Variants in LAYN observed in about 807,000 individuals in gnomAD.
LAYN encodes the protein layilin.
LAYN carries 38 observed loss-of-function variants against 43.6 expected under a neutral mutation model. That is an observed-to-expected ratio of 0.87 (90% CI 0.67 to 1.14). LAYN has a LOEUF of 1.14. LAYN is among the 50% of genes most tolerant of loss of function. The probability of loss-of-function intolerance (pLI) is 0.00; values close to 1 mark genes in which losing one functional copy is unlikely to be tolerated. For synonymous variants in LAYN, 168 were observed against 172.9 expected, an observed-to-expected ratio of 0.97 and a Z score of 0.22; for missense variants, 479 against 463.8, an observed-to-expected ratio of 1.03 and a Z score of -0.30.
intron 3 of LAYN, chr11:111,551,544 C>G (rs987649086): frequency 7.4e-6 from 3 of 406,006 alleles, no homozygotes; most frequent in African/African-American, 6.2e-5. Context: ...CACAACCAGA[C>G]CCTTGCCGAC....
Position 111,543,955 on chromosome 11 carries a change from C to A in LAYN, c.118C>A (p.Pro40Thr). The A allele has an allele frequency of 6.2e-7, 1 of 1,613,732 alleles. No individual in the cohort carries two copies. The highest frequency in any genetic ancestry group is 8.5e-7 in the Non-Finnish European group (1 of 1,179,926). ...QPVCRGGTQRPCYKVIYFHDT... is the reference protein window; with the variant it reads ...QPVCRGGTQRTCYKVIYFHDT... ...AGTCTGCCGGGGAGGGACACAGAGG[C>A]CTTGTTATAAAGTCATTTACTTCCA... The change falls in exon 2 of 7, where the codon CCT (proline) becomes ACT (threonine). Residue 40 changes from proline to threonine, a missense_variant. Pro to Thr is a conservative substitution (Grantham distance 38). Transcript: ENST00000375614.
chr11:111,554,461 G>A (rs1041292599), intron 3 of LAYN, 100 bp from the exon 4 acceptor site: 3 of 895,056 alleles, frequency 3.4e-6, no homozygotes, highest in Non-Finnish European at 5.4e-6. Context: ...TCGGAGGAAT[G>A]AATCAGCAAA....
chr11:111,542,758 C>T (rs1178833081), intron 1 of LAYN, among the ~76,000 whole-genome samples: 8 of 152,224 alleles, frequency 5.3e-5, no homozygotes, highest in African/African-American at 1.9e-4. Context: ...TCACTTTGAA[C>T]ATTTGAATCC....
At position 111,544,058 on chromosome 11, in the gene LAYN, A is replaced by AC. The variant is rs1426527234; in HGVS notation, c.221_222insC (p.Glu74AspfsTer3). On this transcript the variant is annotated frameshift_variant, in exon 2 of 7. Transcript: ENST00000375614. LOFTEE classifies it high-confidence loss of function. ...GATGGAGGCCAGCTAGTCAGCATCG[A>AC]GTCTGAAGATGAACAGAAACTGATA... 8 of 1,614,206 alleles carry AC rather than the reference A, an allele frequency of 5.0e-6. No individual in the cohort carries two copies. The African/African-American group carries it at 9.3e-5, about 19-fold the overall frequency.
intron 5 of LAYN, 73 bp from the exon 6 acceptor site, chr11:111,557,468 A>C: frequency 1.7e-6 from 2 of 1,179,940 alleles, no homozygotes; most frequent in Admixed American, 1.9e-5. Context: ...TGCTTTTTTT[A>C]AGCCTGGTTT....
At chr11:111,543,891 C>G (rs1170929631) in intron 1 of LAYN, 32 bp from the exon 2 acceptor site, 1 of 1,575,378 alleles carries the variant, frequency 6.3e-7, no homozygotes, top group Non-Finnish European at 8.6e-7. Flanking sequence ...CTTTTTGAGA[C>G]ACTGAAATAG....
At chr11:111,543,873 C>A in intron 1 of LAYN, 50 bp from the exon 2 acceptor site, 1 of 1,542,416 alleles carries the variant, frequency 6.5e-7, no homozygotes, top group South Asian at 1.3e-5. Flanking sequence ...TATCCCTGCC[C>A]CGGTATACTT....
At chr11:111,541,645 C>T (rs1867541835) in intron 1 of LAYN, 28 of 1,470,236 alleles carry the variant, frequency 1.9e-5, no homozygotes, top group Non-Finnish European at 2.6e-5. Context: ...GGAGAACATC[C>T]GTGCCCTTTT....
intron 3 of LAYN, among the ~76,000 whole-genome samples, chr11:111,552,680 G>A (rs1438858835): frequency 6.6e-5 from 10 of 152,206 alleles, no homozygotes; most frequent in Non-Finnish European, 1.3e-4. Flanking sequence ...ACTTTGCACC[G>A]TGGATTGAAG....
Position 111,560,320 on chromosome 11 carries a change from C to G in LAYN, c.987C>G (p.Asn329Lys). ...GTGACTATGACAACATGGCTGTGAACCCATCAGAAAGTGGGTTTGTGACTC... is the reference window on the plus strand; with the variant it reads ...GTGACTATGACAACATGGCTGTGAAGCCATCAGAAAGTGGGTTTGTGACTC... ...MSCDYDNMAV[N>K]PSESGFVTLV... is the part of the protein sequence containing the mutation. The change falls in exon 7 of 7, where the codon AAC (asparagine) becomes AAG (lysine). Residue 329 changes from asparagine (N) to lysine (K), a missense_variant. Coordinates refer to ENST00000375614, the MANE Select transcript of LAYN (RefSeq NM_178834.5). The G allele has an allele frequency of 6.2e-7, 1 of 1,614,098 alleles. No homozygotes were observed.
At position 111,548,103 on chromosome 11, in the gene LAYN, C is replaced by T. The variant is rs553936109; in HGVS notation, c.384-1515C>T. ...CAGACCTCTACTTAATACCTGTCCC[C>T]AGTATGCTCCCATTCTAATGGGTAG... On this transcript the variant is annotated intron_variant, in intron 2 of 6. Coordinates refer to ENST00000375614, the MANE Select transcript of LAYN (RefSeq NM_178834.5). 2.6e-5 allele frequency among the ~76,000 whole-genome samples: 4 copies of T among 152,338 alleles called. No individual in the cohort carries two copies. In the East Asian group the frequency reaches 7.7e-4, roughly 29 times the overall value.
chr11:111,559,119 C>T (rs1160453039), intron 6 of LAYN, among the ~76,000 whole-genome samples: 1 of 152,076 alleles, frequency 6.6e-6, no homozygotes, highest in African/African-American at 2.4e-5. Flanking sequence ...AAATAAAATA[C>T]ATTGGGTTGC....
chr11:111,557,498 CA>C, intron 5 of LAYN, 42 bp from the exon 6 acceptor site: 1 of 1,522,218 alleles, frequency 6.6e-7, no homozygotes, highest in East Asian at 2.3e-5. Context: ...AAAAACAAAA[CA>C]AAAAACAGCC....
At chr11:111,550,161 A>G (rs1211739424) in intron 3 of LAYN, among the ~76,000 whole-genome samples, 2 of 152,216 alleles carry the variant, frequency 1.3e-5, no homozygotes, top group African/African-American at 2.4e-5. Context: ...CAAGTCTTCT[A>G]ACAGCCCAGT....
At chr11:111,542,866 T>C (rs1867573283) in intron 1 of LAYN, among the ~76,000 whole-genome samples, 1 of 152,214 alleles carries the variant, frequency 6.6e-6, no homozygotes, top group Non-Finnish European at 1.5e-5. Context: ...GTACACTCAA[T>C]AAATGTTGAT....
chr11:111,559,799 G>T (rs758101944), intron 6 of LAYN, among the ~76,000 whole-genome samples: 2 of 151,920 alleles, frequency 1.3e-5, no homozygotes, highest in Non-Finnish European at 2.9e-5. Flanking sequence ...TTGTAATGTG[G>T]TATTTTTTCT....
rs1394176258 is a variant in LAYN at position 111,540,916 on chromosome 11, C to A, written c.73C>A (p.Arg25Ser). The A allele has an allele frequency of 2.0e-6, 3 of 1,532,000 alleles. No individual in the cohort carries two copies. The highest frequency in any genetic ancestry group is 3.9e-5 in the Admixed American group (2 of 50,884). 94.9% of individuals were successfully genotyped at this position (1,532,000 alleles called of 1,614,324 possible). Residue 25 changes from arginine (R) to serine (S), a missense_variant, in exon 1 of 7, where the codon CGC becomes AGC. By Grantham distance (110) the Arg-to-Ser change is moderately radical (BLOSUM62 -1). Coordinates refer to ENST00000375614, the MANE Select transcript of LAYN (RefSeq NM_178834.5). ...LLVGLRAATGRLLSGQPVCRG... is the reference protein window; with the variant it reads ...LLVGLRAATGSLLSGQPVCRG... ...GGTGGGGCTGCGGGCCGCGACGGGT[C>A]GCCTGCTGAGTGGTGAGTGCGCGCG...
chr11:111,551,928 A>G (rs1867750795), intron 3 of LAYN, among the ~76,000 whole-genome samples: 1 of 152,176 alleles, frequency 6.6e-6, no homozygotes, highest in Non-Finnish European at 1.5e-5. Flanking sequence ...CCCTTTGTAA[A>G]TATGGACAAA....
intron 5 of LAYN, among the ~76,000 whole-genome samples, chr11:111,557,295 T>C (rs1290738706): frequency 6.6e-6 from 1 of 152,242 alleles, no homozygotes; most frequent in Admixed American, 6.5e-5. Flanking sequence ...AAAATGCTCA[T>C]CCATCGAAAC....
Sources: gnomAD v4.1 joint callset for allele counts (sites outside exome capture counted in the v4.1 genomes callset) on GRCh38, gnomAD v4.1.1 for gene constraint, MANE v1.5 for transcripts, NCBI Gene and HGNC (gene_info 2026-07-23, HGNC 2026-07-21) for gene names.